Variants in KLF16 observed in about 807,000 individuals in gnomAD.
KLF16 encodes KLF transcription factor 16, also known as Krueppel-like factor 16.
A neutral mutation model predicts 6.1 loss-of-function variants in KLF16; 6 were observed. That is an observed-to-expected ratio of 0.98 (90% CI 0.54 to 1.93). The LOEUF (loss-of-function observed/expected upper bound fraction) is 1.93. Among genes scored for constraint, KLF16 ranks in the 30% most tolerant of loss-of-function variants. The pLI, the probability that KLF16 is intolerant of heterozygous loss-of-function variation, is 0.01. For missense variants in KLF16, 355 were observed against 363.8 expected (o/e 0.98, Z 0.20); for synonymous variants, 211 against 176.5 (o/e 1.20, Z -1.55).
At chr19:1,856,633 A>G (rs1362334988) in intron 1 of KLF16, among the ~76,000 whole-genome samples, 1 of 152,162 alleles carries the variant, frequency 6.6e-6, no homozygotes, top group Non-Finnish European at 1.5e-5. Context: ...AGAGGCGCAG[A>G]GCAGCCCTGG....
upstream of KLF16, among the ~76,000 whole-genome samples, chr19:1,868,213 T>C (rs1335753093): frequency 1.3e-5 from 2 of 152,100 alleles, no homozygotes; most frequent in African/African-American, 4.8e-5. Flanking sequence ...CCCTGCCCAG[T>C]GTGGGCTGGA....
At chr19:1,854,932 C>G (rs577626988) in intron 1 of KLF16, among the ~76,000 whole-genome samples, 172 bp from the exon 2 acceptor site, 20 of 152,102 alleles carry the variant, frequency 1.3e-4, no homozygotes, top group African/African-American at 4.3e-4. Flanking sequence ...CCCTTACCCG[C>G]CCCCCGGTGG....
At chr19:1,856,963 G>GGGGGGGGGGC (rs1466347651) in intron 1 of KLF16, among the ~76,000 whole-genome samples, 1 of 117,396 alleles carries the variant, frequency 8.5e-6, no homozygotes, top group African/African-American at 4.4e-5. Flanking sequence ...GGTGGGGGGG[G>GGGGGGGGGGC]CGACCGGGGC....
the KLF16 span, among the ~76,000 whole-genome samples, chr19:1,872,738 G>T: frequency 1.3e-5 from 2 of 151,992 alleles, no homozygotes; most frequent in Non-Finnish European, 1.5e-5. Flanking sequence ...AGGGAGCGCG[G>T]GCCTGGCCGG....
upstream of KLF16, among the ~76,000 whole-genome samples, chr19:1,866,570 T>C (rs1483189209): frequency 6.6e-6 from 1 of 150,838 alleles, no homozygotes; most frequent in Non-Finnish European, 1.5e-5. Flanking sequence ...GCCGAGATCG[T>C]GCCACTGCAC....
In KLF16 at chr19:1,857,940, G is replaced by A. The variant is rs2011988164; in HGVS notation, c.458-3180C>T. ...GCAGAAAAGGGGGAACACTGGTGGT[G>A]AGGCCCTGCCAGCCTGGGGGTGGGG... On this transcript the variant is annotated intron_variant, in intron 1 of 1. Transcript: ENST00000250916. This position sits in a 1 kb window ranked among gnomAD's most constrained non-coding sequence, Gnocchi z 4.7. Among the ~76,000 whole-genome samples the A allele has an allele frequency of 6.6e-6, 1 of 151,974 alleles. No homozygotes were observed. The highest frequency in any genetic ancestry group is 2.1e-4 in the South Asian group (1 of 4,818).
chr19:1,854,935 C>G (rs1296436501), intron 1 of KLF16, among the ~76,000 whole-genome samples, 175 bp from the exon 2 acceptor site: 1 of 152,120 alleles, frequency 6.6e-6, no homozygotes, highest in Non-Finnish European at 1.5e-5. Context: ...TTACCCGCCC[C>G]CCGGTGGCCC....
chr19:1,865,936 G>C (rs1165141682), upstream of KLF16, among the ~76,000 whole-genome samples: 1 of 152,214 alleles, frequency 6.6e-6, no homozygotes, highest in Non-Finnish European at 1.5e-5. Context: ...GACCAGGGTA[G>C]GAGGATCACT....
the KLF16 span, chr19:1,874,991 G>A: frequency 6.6e-6 from 1 of 152,124 alleles, no homozygotes; most frequent in South Asian, 2.1e-4. Flanking sequence ...ACATCACGAC[G>A]TTCGACTATA....
intron 1 of KLF16, chr19:1,860,183 C>T (rs2012036217): frequency 6.6e-6 from 1 of 151,840 alleles, no homozygotes; most frequent in Non-Finnish European, 1.5e-5. Context: ...GCCAGCCTCT[C>T]CTCCCGCCCC....
At chr19:1,876,463 G>C in the KLF16 span, among the ~76,000 whole-genome samples, 10 of 152,312 alleles carry the variant, frequency 6.6e-5, no homozygotes, top group African/African-American at 2.4e-4. Context: ...TCCAGTGTCG[G>C]CTCCCTCTTC....
Position 1,863,317 on chromosome 19 carries a change from G to A in KLF16, c.181C>T (p.Pro61Ser). The A allele has an allele frequency of 6.1e-6, 6 of 981,576 alleles. No individual in the cohort carries two copies. Among genetic ancestry groups the A allele is most frequent in the Non-Finnish European group, 7.2e-6 (6 of 828,942 alleles). The allele number at this position is 981,576 out of a possible 1,614,324, so 60.8% of individuals were successfully genotyped here. Residue 61 changes from proline (P) to serine (S), a missense_variant, in exon 1 of 2, where the codon CCG (proline) becomes TCG (serine). Pro to Ser is a moderately conservative substitution (Grantham distance 74, BLOSUM62 -1). Coordinates refer to ENST00000250916, the MANE Select transcript of KLF16 (RefSeq NM_031918.4). Reference sequence around the variant, plus strand: ...CCCGGGCCAGAAGCGGCGGGGGGCGGCGGGGGTGGCCCCGGGGTCCCGGGT... The same window carrying A: ...CCCGGGCCAGAAGCGGCGGGGGGCGACGGGGGTGGCCCCGGGGTCCCGGGT... ...ASPGTPGPPP[P>S]PPAASGPGPG...
chr19:1,871,945 TC>T, the KLF16 span, among the ~76,000 whole-genome samples: 2 of 151,798 alleles, frequency 1.3e-5, no homozygotes, highest in African/African-American at 4.8e-5. Flanking sequence ...CCCGTGCGAA[TC>T]CCCCAACCCC....
Position 1,854,356 on chromosome 19 carries a change from G to C in KLF16, c.*103C>G. The stretch of plus-strand genomic sequence containing the variant: ...CTGGAGGGGGGCAGGGGTGTCTTCA[G>C]GGTTTGCCCACGGCTGGAAGGGGCC... On this transcript the variant is annotated 3_prime_UTR_variant, in exon 2 of 2. Transcript: ENST00000250916. The C allele has an allele frequency of 1.5e-6, 2 of 1,322,482 alleles. No homozygotes were observed. Among genetic ancestry groups the C allele is most frequent in the African/African-American group, 3.1e-5 (2 of 64,184 alleles). The allele number at this position is 1,322,482 out of a possible 1,614,324, so 81.9% of individuals were successfully genotyped here. A position where few individuals can be genotyped will look rare whatever the true frequency, so the allele number is the denominator to read the frequency against.
At position 1,854,902 on chromosome 19, in the gene KLF16, G is replaced by C. The variant is rs2011916884; in HGVS notation, c.458-142C>G. The stretch of plus-strand genomic sequence containing the variant: ...AGCTCTGGTGTGAGTTCAAAACATG[G>C]AGAAGCACAAAGAATACAACCCTTA... On this transcript the variant is annotated intron_variant, in intron 1 of 1. Coordinates refer to ENST00000250916, the MANE Select transcript of KLF16 (RefSeq NM_031918.4). 3.5e-6 allele frequency: 3 copies of C among 869,540 alleles called. No individual in the cohort carries two copies. The South Asian group carries it at 4.8e-5, about 14-fold the overall frequency. The allele number at this position is 869,540 out of a possible 1,614,324, so 53.9% of individuals were successfully genotyped here.
chr19:1,871,969 C>G, the KLF16 span, among the ~76,000 whole-genome samples: 16 of 152,284 alleles, frequency 1.1e-4, no homozygotes, highest in East Asian at 1.9e-3. Flanking sequence ...CACCCCCAGC[C>G]CCTCCTCAGC....
At position 1,863,557 on chromosome 19, in the gene KLF16, C is replaced by G. The variant is rs898348683; in HGVS notation, c.-60G>C. 21 of 824,744 alleles carry G rather than the reference C, an allele frequency of 2.5e-5. No individual in the cohort carries two copies. Among genetic ancestry groups the G allele is most frequent in the Non-Finnish European group, 3.1e-5 (21 of 686,384 alleles). 51.1% of individuals were successfully genotyped at this position (824,744 alleles called of 1,614,324 possible). A position where few individuals can be genotyped will look rare whatever the true frequency, so the allele number is the denominator to read the frequency against. The stretch of plus-strand genomic sequence containing the variant: ...GGAGGCGGCGGGAGCGGCGTCCGTC[C>G]GGCCGGCGGCGGCTGCTCGAGTGCG... On this transcript the variant is annotated 5_prime_UTR_variant, in exon 1 of 2. Transcript: ENST00000250916.
chr19:1,855,960 A>G (rs1357351259), intron 1 of KLF16, among the ~76,000 whole-genome samples: 3 of 152,332 alleles, frequency 2.0e-5, no homozygotes, highest in African/African-American at 7.2e-5. Context: ...GAGTAGCAAA[A>G]GAGACGTCAG....
At position 1,863,132 on chromosome 19, in the gene KLF16, GGC is replaced by G; in HGVS notation, c.364_365del (p.Ala122ArgfsTer38). 1 of 1,340,826 alleles carries G rather than the reference GGC, an allele frequency of 7.5e-7. No homozygotes were observed. Among genetic ancestry groups the G allele is most frequent in the Non-Finnish European group, 9.7e-7 (1 of 1,028,054 alleles). The allele number at this position is 1,340,826 out of a possible 1,614,324, so 83.1% of individuals were successfully genotyped here. On this transcript the variant is annotated frameshift_variant, in exon 1 of 2. Transcript: ENST00000250916. LOFTEE classifies it high-confidence loss of function. ...SGRAPGAAPSAAAKSHRCPFP... is the reference protein window; with the variant it reads ...SGRAPGAAPSXAAKSHRCPFP... Reference sequence around the variant, plus strand: ...AGGGACAGCGGTGGCTCTTGGCGGCGGCGGAGGGCGCGGCGCCGGGGGCGCGG... The same window carrying G: ...AGGGACAGCGGTGGCTCTTGGCGGCGGGAGGGCGCGGCGCCGGGGGCGCGG...
Sources: gnomAD v4.1 joint callset for allele counts (sites outside exome capture counted in the v4.1 genomes callset) on GRCh38, gnomAD v4.1.1 for gene constraint, Gnocchi (gnomAD v3.1) non-coding constraint, MANE v1.5 for transcripts, NCBI Gene and HGNC (gene_info 2026-07-23, HGNC 2026-07-21) for gene names.